The following FKTN variants were observed in gnomAD, a reference collection of about 807,000 sequenced individuals.
FKTN encodes the protein fukutin, also known as ribitol-5-phosphate transferase FKTN.
A neutral mutation model predicts 58.6 loss-of-function variants in FKTN; 47 were observed. The ratio of observed to expected loss-of-function variants is 0.80; its 90% CI spans 0.63 to 1.02. FKTN has a LOEUF of 1.02. Among genes scored for constraint, FKTN ranks in the 50% least tolerant of loss-of-function variants. FKTN has a pLI of 0.00. For missense variants in FKTN, 516 were observed against 537.3 expected (o/e 0.96, Z 0.39); for synonymous variants, 178 against 191.9 (o/e 0.93, Z 0.60).
At chr9:105,591,818 G>T (rs1844930370) in intron 3 of FKTN, among the ~76,000 whole-genome samples, 2 of 152,234 alleles carry the variant, frequency 1.3e-5, no homozygotes, top group African/African-American at 4.8e-5. Flanking sequence ...GCAAGCTTCT[G>T]CCTGGACATC....
At chr9:105,580,296 A>T (rs1043928851) in intron 3 of FKTN, among the ~76,000 whole-genome samples, 4 of 152,102 alleles carry the variant, frequency 2.6e-5, no homozygotes, top group Non-Finnish European at 5.9e-5. Context: ...ATTTTGCAGC[A>T]GCTGGTACCG....
intron 10 of FKTN, among the ~76,000 whole-genome samples, chr9:105,622,264 A>T (rs1337576015): frequency 6.6e-6 from 1 of 151,970 alleles, no homozygotes; most frequent in Non-Finnish European, 1.5e-5. Flanking sequence ...TCTTTATAAT[A>T]ACCTATTTTT....
At chr9:105,581,988 G>T (rs948207891) in intron 3 of FKTN, among the ~76,000 whole-genome samples, 1 of 152,144 alleles carries the variant, frequency 6.6e-6, no homozygotes, top group African/African-American at 2.4e-5. Flanking sequence ...GACACCTTGC[G>T]CTTCCCAGGT....
chr9:105,589,866 G>GT (rs779864127), intron 3 of FKTN, among the ~76,000 whole-genome samples: 2 of 152,282 alleles, frequency 1.3e-5, no homozygotes, highest in Middle Eastern at 3.4e-3. Flanking sequence ...ATGTCTGTCA[G>GT]TTTTGAGAAC....
rs543906940 is a variant in FKTN at position 105,608,657 on chromosome 9, C to G, written c.780+706C>G. Among the ~76,000 whole-genome samples, 23 of 152,294 alleles carry G rather than the reference C, an allele frequency of 1.5e-4. No individual in the cohort carries two copies. The South Asian group carries it at 3.9e-3, about 26-fold the overall frequency. On this transcript the variant is annotated intron_variant, in intron 7 of 10. Transcript: ENST00000357998. ...GGGTTCCCTGCCAAGAAAGCTGTGT[C>G]CACGAGGGATACGAAAATGAAGTAT...
chr9:105,566,288 A>G (rs1839590021), intron 1 of FKTN, among the ~76,000 whole-genome samples: 1 of 152,198 alleles, frequency 6.6e-6, no homozygotes, highest in African/African-American at 2.4e-5. Flanking sequence ...AAGGCAAGAA[A>G]TAACTAAGAT....
At chr9:105,564,451 AAAGG>A (rs1175714287) in intron 1 of FKTN, among the ~76,000 whole-genome samples, 2 of 152,280 alleles carry the variant, frequency 1.3e-5, no homozygotes, top group African/African-American at 4.8e-5. Flanking sequence ...AGAAGTCCTT[AAAGG>A]ACCTGATGGA....
chr9:105,591,514 G>A (rs1196637238), intron 3 of FKTN, among the ~76,000 whole-genome samples: 1 of 152,198 alleles, frequency 6.6e-6, no homozygotes, highest in African/African-American at 2.4e-5. Context: ...CATGTCTCAT[G>A]TCCAGGGCAC....
rs1377596627 is a variant in FKTN, at chr9:105,575,058, T to C, written c.26T>C (p.Val9Ala). Residue 9 changes from valine to alanine, a missense_variant, in exon 3 of 11, where the codon GTT becomes GCT. Physicochemically the swap from Val to Ala is moderately conservative, Grantham distance 64 (BLOSUM62 0). Coordinates refer to ENST00000357998, the MANE Select transcript of FKTN (RefSeq NM_001079802.2). The part of the protein sequence containing the change: MSRINKNV[V>A]LALLTLTSSA... Reference sequence around the variant, plus strand: ...ATGAGTAGAATCAATAAGAACGTGGTTTTGGCCCTTTTAACGCTGACAAGT... The same window carrying C: ...ATGAGTAGAATCAATAAGAACGTGGCTTTGGCCCTTTTAACGCTGACAAGT... The C allele has an allele frequency of 1.2e-6, 2 of 1,608,490 alleles. No individual in the cohort carries two copies. The highest frequency in any genetic ancestry group is 2.2e-5 in the East Asian group (1 of 44,792).
At chr9:105,566,070 A>C (rs1053255105) in intron 1 of FKTN, among the ~76,000 whole-genome samples, 2 of 152,248 alleles carry the variant, frequency 1.3e-5, no homozygotes, top group African/African-American at 4.8e-5. Flanking sequence ...AACAAAATGA[A>C]GGCAGAAATA....
chr9:105,596,054 T>C (rs778048380), intron 3 of FKTN, among the ~76,000 whole-genome samples: 5 of 152,178 alleles, frequency 3.3e-5, no homozygotes, highest in Admixed American at 6.5e-5. Context: ...AAAATTACGA[T>C]GTATGTTAGG....
Position 105,639,592 on chromosome 9 carries a change from G to T in FKTN, c.*4328G>T. On this transcript the variant is annotated 3_prime_UTR_variant, in exon 11 of 11. Transcript: ENST00000357998. ...TCAAATGGAATTATAGAAACCATGG[G>T]TCAGAACATATTCCTTTACTCAAAA... is the stretch of plus-strand genomic sequence containing the variant. The T allele has an allele frequency of 1.0e-6, 1 of 980,622 alleles. No homozygotes were observed. The highest frequency in any genetic ancestry group is 1.8e-5 in the African/African-American group (1 of 57,132). The allele number at this position is 980,622 out of a possible 1,614,324, so 60.7% of individuals were successfully genotyped here. A position where few individuals can be genotyped will look rare whatever the true frequency, so the allele number is the denominator to read the frequency against.
chr9:105,571,848 T>C (rs901831692), intron 1 of FKTN, among the ~76,000 whole-genome samples: 4 of 152,196 alleles, frequency 2.6e-5, no homozygotes, highest in Non-Finnish European at 5.9e-5. Context: ...TCTGAAATGC[T>C]CCAAAATCTG....
intron 5 of FKTN, 98 bp downstream of exon 5, chr9:105,601,446 G>T: frequency 1.2e-6 from 1 of 813,288 alleles, no homozygotes; most frequent in Non-Finnish European, 2.0e-6. Flanking sequence ...AATTTTTCCT[G>T]AAACACTTTA....
At chr9:105,573,127 C>T (rs1001784523) in intron 1 of FKTN, among the ~76,000 whole-genome samples, 2 of 151,630 alleles carry the variant, frequency 1.3e-5, no homozygotes, top group Non-Finnish European at 2.9e-5. Flanking sequence ...CCCAGTTACT[C>T]GGGAGGCTGA....
chr9:105,585,038 A>G (rs896512207), intron 3 of FKTN, among the ~76,000 whole-genome samples: 1 of 152,168 alleles, frequency 6.6e-6, no homozygotes, highest in Non-Finnish European at 1.5e-5. Flanking sequence ...TGATGAGAGT[A>G]TAGATGCTTC....
intron 3 of FKTN, among the ~76,000 whole-genome samples, chr9:105,579,826 C>G (rs1309012506): frequency 1.3e-5 from 2 of 151,578 alleles, no homozygotes; most frequent in Non-Finnish European, 2.9e-5. Flanking sequence ...TCACACAGGA[C>G]TTGCTTTATG....
Position 105,619,988 on chromosome 9 carries a change from G to GT in FKTN, c.1106dup (p.Phe370LeufsTer3). On this transcript the variant is annotated frameshift_variant, in exon 10 of 11. Transcript: ENST00000357998. LOFTEE classifies it high-confidence loss of function. ...GGGAAAAGATGATGTAAAACTTGAT[G>GT]TTTTTTTCTTCTATGAAGAAACTGA... The GT allele has an allele frequency of 6.2e-7, 1 of 1,612,606 alleles. No homozygotes were observed. Among genetic ancestry groups the GT allele is most frequent in the Non-Finnish European group, 8.5e-7 (1 of 1,178,966 alleles).
chr9:105,607,494 G>A (rs982214127), intron 6 of FKTN, among the ~76,000 whole-genome samples: 1 of 151,920 alleles, frequency 6.6e-6, no homozygotes, highest in African/African-American at 2.4e-5. Context: ...ATTGATATCT[G>A]ACATAATTGA....
Sources: gnomAD v4.1 joint callset for allele counts (sites outside exome capture counted in the v4.1 genomes callset) on GRCh38, gnomAD v4.1.1 for gene constraint, MANE v1.5 for transcripts, NCBI Gene and HGNC (gene_info 2026-07-23, HGNC 2026-07-21) for gene names.